PLCG1: variants seen among roughly 807,000 people sequenced by gnomAD.
PLCG1 encodes the protein phospholipase C gamma 1.
PLCG1 carries 71 observed loss-of-function variants against 177.8 expected under a neutral mutation model. The observed-to-expected ratio is 0.40, with a 90% CI of 0.33 to 0.49. The LOEUF (loss-of-function observed/expected upper bound fraction) is 0.49, where lower values mean the gene tolerates loss of function less well. Ranked by LOEUF, PLCG1 falls within the 20% of genes least tolerant of loss-of-function variation. PLCG1 has a pLI of 0.72. For synonymous variants in PLCG1, 658 were observed against 647.9 expected, an observed-to-expected ratio of 1.02 and a Z score of -0.24; for missense variants, 1,281 against 1,709.0, an observed-to-expected ratio of 0.75 and a Z score of 4.42.
rs2146047698 is a variant in PLCG1 at position 41,166,985 on chromosome 20, C to G, written c.2301+126C>G. ...TAGAAGTTCGTGGGAGGGCCCCTGACTCCAGCTGGGAGCCACAGTGTGGGT... is the reference window on the plus strand; with the variant it reads ...TAGAAGTTCGTGGGAGGGCCCCTGAGTCCAGCTGGGAGCCACAGTGTGGGT... On this transcript the variant is annotated intron_variant, in intron 19 of 31. Coordinates refer to ENST00000685551, the MANE Select transcript of PLCG1 (RefSeq NM_002660.3). The surrounding 1 kb of genome is among the most constrained non-coding windows in gnomAD (Gnocchi z 8.6). The G allele has an allele frequency of 1.1e-6, 1 of 870,256 alleles. No individual in the cohort carries two copies. The highest frequency in any genetic ancestry group is 1.5e-5 in the South Asian group (1 of 64,690). 53.9% of individuals were successfully genotyped at this position (870,256 alleles called of 1,614,324 possible). A position where few individuals can be genotyped will look rare whatever the true frequency, so the allele number is the denominator to read the frequency against.
In PLCG1 at chr20:41,164,752, CT is replaced by C. The variant is rs1568746616; in HGVS notation, c.1218-180del. On this transcript the variant is annotated intron_variant, in intron 12 of 31. Transcript: ENST00000685551. This position sits in a 1 kb window ranked among gnomAD's most constrained non-coding sequence, Gnocchi z 6.4. ...AGTTGCCACCCTTTGGTTTCCACTG[CT>C]GCCACAGCTGTAGAACCCCTCTCTG... Among the ~76,000 whole-genome samples, 1 of 152,190 alleles carries C rather than the reference CT, an allele frequency of 6.6e-6. No homozygotes were observed. Among genetic ancestry groups the C allele is most frequent in the Admixed American group, 6.5e-5 (1 of 15,284 alleles).
intron 1 of PLCG1, among the ~76,000 whole-genome samples, chr20:41,158,379 CAAAG>C (rs766885071): frequency 6.6e-6 from 1 of 152,154 alleles, no homozygotes; most frequent in Non-Finnish European, 1.5e-5. Context: ...GGGGAGTACT[CAAAG>C]AAAGTCATAG....
At chr20:41,158,071 C>T (rs1463755342) in intron 1 of PLCG1, among the ~76,000 whole-genome samples, 1 of 152,080 alleles carries the variant, frequency 6.6e-6, no homozygotes, top group Non-Finnish European at 1.5e-5. Context: ...GCTGAGGGGA[C>T]AGGTGGTTCC....
chr20:41,162,968 CCTT>C lies in PLCG1; in HGVS notation c.696_698del (p.Phe232del). On this transcript the variant is annotated inframe_deletion, in exon 7 of 32. Coordinates refer to ENST00000685551, the MANE Select transcript of PLCG1 (RefSeq NM_002660.3). ...TTCTGTTTCCTGCAGATGGACCTCC[CCTT>C]CTTGGAAGCCAGTACTCTGAGGTTT... 6.2e-7 allele frequency: 1 copy of C among 1,614,108 alleles called. No homozygotes were observed. The highest frequency in any genetic ancestry group is 8.5e-7 in the Non-Finnish European group (1 of 1,179,958).
Position 41,157,239 on chromosome 20 carries a change from T to TGTAC in PLCG1, c.218-2366_218-2363dup, listed in dbSNP as rs906840184. Among the ~76,000 whole-genome samples the TGTAC allele has an allele frequency of 6.6e-6, 1 of 150,798 alleles. No homozygotes were observed. Among genetic ancestry groups the TGTAC allele is most frequent in the African/African-American group, 2.4e-5 (1 of 41,238 alleles). ...GTGTGTGTGTGTGTGTGTGTGTGTG[T>TGTAC]GTACAGTCACACTCACCTTTGCAAG... is the stretch of plus-strand genomic sequence containing the variant. On this transcript the variant is annotated intron_variant, in intron 1 of 31. Transcript: ENST00000685551. The surrounding 1 kb of genome is among the most constrained non-coding windows in gnomAD (Gnocchi z 5.4).
At chr20:41,155,968 A>C (rs988071139) in intron 1 of PLCG1, among the ~76,000 whole-genome samples, 15 of 152,162 alleles carry the variant, frequency 9.9e-5, no homozygotes, top group African/African-American at 3.6e-4. Context: ...ATGGTCAGGG[A>C]AAGCTTCTTG....
chr20:41,173,284 G>C lies in PLCG1; in HGVS notation c.3280-136G>C. 1.2e-6 allele frequency: 1 copy of C among 846,594 alleles called. No individual in the cohort carries two copies. 52.4% of individuals were successfully genotyped at this position (846,594 alleles called of 1,614,324 possible). A position where few individuals can be genotyped will look rare whatever the true frequency, so the allele number is the denominator to read the frequency against. On this transcript the variant is annotated intron_variant, in intron 27 of 31. Coordinates refer to ENST00000685551, the MANE Select transcript of PLCG1 (RefSeq NM_002660.3). The surrounding 1 kb of genome is among the most constrained non-coding windows in gnomAD (Gnocchi z 6.2). ...GCTTAGGGTCCCTGATGTCGTGAGG[G>C]ACTCCATGGGCAGTGTCCCGGGGGC...
At chr20:41,152,040 G>A (rs1291055764) in intron 1 of PLCG1, among the ~76,000 whole-genome samples, 5 of 152,178 alleles carry the variant, frequency 3.3e-5, no homozygotes, top group Non-Finnish European at 7.4e-5. Flanking sequence ...ACTTTTCTTT[G>A]TCCATCTTTC....
rs962394921 is a variant in PLCG1, at chr20:41,147,531, C to G, written c.217+9673C>G. Among the ~76,000 whole-genome samples, 9 of 152,242 alleles carry G rather than the reference C, an allele frequency of 5.9e-5. No individual in the cohort carries two copies. The highest frequency in any genetic ancestry group is 1.9e-4 in the African/African-American group (8 of 41,472). ...AGAAAGAAATCCAAGGTAGCCATCT[C>G]TCTCAGTAGGGGAGGTGAGTTCAAA... On this transcript the variant is annotated intron_variant, in intron 1 of 31. Coordinates refer to ENST00000685551, the MANE Select transcript of PLCG1 (RefSeq NM_002660.3). This position sits in a 1 kb window ranked among gnomAD's most constrained non-coding sequence, Gnocchi z 4.0.
Position 41,164,844 on chromosome 20 carries a change from C to A in PLCG1, c.1218-89C>A. 7.6e-7 allele frequency: 1 copy of A among 1,318,724 alleles called. No individual in the cohort carries two copies. Among genetic ancestry groups the A allele is most frequent in the East Asian group, 2.3e-5 (1 of 42,908 alleles). The allele number at this position is 1,318,724 out of a possible 1,614,324, so 81.7% of individuals were successfully genotyped here. On this transcript the variant is annotated intron_variant, in intron 12 of 31. Coordinates refer to ENST00000685551, the MANE Select transcript of PLCG1 (RefSeq NM_002660.3). This position sits in a 1 kb window ranked among gnomAD's most constrained non-coding sequence, Gnocchi z 6.4. The stretch of plus-strand genomic sequence containing the variant: ...TTTTACAGACAAGAAGCCCCCAGGC[C>A]CTTGGCTTCCAACAGCTCACTGTGA...
chr20:41,158,535 G>T (rs1178779963), intron 1 of PLCG1, among the ~76,000 whole-genome samples: 1 of 152,164 alleles, frequency 6.6e-6, no homozygotes, highest in Non-Finnish European at 1.5e-5. Flanking sequence ...CCTTTGCTGA[G>T]GGAGCAGAGG....
At chr20:41,161,433 G>A (rs2035491233) in intron 4 of PLCG1, among the ~76,000 whole-genome samples, 1 of 152,164 alleles carries the variant, frequency 6.6e-6, no homozygotes, top group African/African-American at 2.4e-5. Flanking sequence ...GTTTTTGGTG[G>A]AAGAAGTAAC....
rs757616227 is a variant in PLCG1 at position 41,172,806 on chromosome 20, C to T, written c.3208C>T (p.Arg1070Trp). Residue 1070 changes from arginine (R) to tryptophan (W), a missense_variant, in exon 27 of 32, where the codon CGG becomes TGG. By Grantham distance (101) the Arg-to-Trp change is moderately radical. Coordinates refer to ENST00000685551, the MANE Select transcript of PLCG1 (RefSeq NM_002660.3). The surrounding 1 kb of genome is among the most constrained non-coding windows in gnomAD (Gnocchi z 7.0). ...CTACGTGCTGCAGCCAAGCACCATG[C>T]GGGATGAGGCCTTCGACCCCTTTGA... ...CGYVLQPSTM[R>W]DEAFDPFDKS... The T allele has an allele frequency of 1.2e-6, 2 of 1,614,112 alleles. No individual in the cohort carries two copies. The highest frequency in any genetic ancestry group is 1.7e-6 in the Non-Finnish European group (2 of 1,180,006).
chr20:41,167,520 C>A lies in PLCG1; in HGVS notation c.2302-332C>A. 3.7e-6 allele frequency: 1 copy of A among 269,100 alleles called. No homozygotes were observed. The highest frequency in any genetic ancestry group is 7.1e-6 in the Non-Finnish European group (1 of 140,382). The allele number at this position is 269,100 out of a possible 1,614,324, so 16.7% of individuals were successfully genotyped here. ...GACTTTGGGCTCAGCAGTGAACCAA[C>A]AAGCCACTGAACTAAAGCACTGAAT... On this transcript the variant is annotated intron_variant, in intron 19 of 31. Transcript: ENST00000685551. The surrounding 1 kb of genome is among the most constrained non-coding windows in gnomAD (Gnocchi z 4.4).
rs958115289 is a variant in PLCG1, at chr20:41,169,634, G to T, written c.2650+108G>T. 7.3e-5 allele frequency: 62 copies of T among 850,022 alleles called. 1 individual carries two copies. Among genetic ancestry groups the T allele is most frequent in the Middle Eastern group, 3.3e-4 (1 of 2,998 alleles). 52.7% of individuals were successfully genotyped at this position (850,022 alleles called of 1,614,324 possible). On this transcript the variant is annotated intron_variant, in intron 23 of 31. Transcript: ENST00000685551. ...AGCTGATGGCTGAACCCCAAAGTCT[G>T]CCCTCACTCCAAGCTCTCCCCATGC... is the stretch of plus-strand genomic sequence containing the variant.
At chr20:41,162,399 C>G in intron 4 of PLCG1, 53 bp from the exon 5 acceptor site, 2 of 1,428,938 alleles carry the variant, frequency 1.4e-6, no homozygotes, top group Non-Finnish European at 2.0e-6. Flanking sequence ...ACCCACAGGT[C>G]AGAGGTCATG....
chr20:41,170,352 C>T (rs2146057355), intron 24 of PLCG1, 83 bp downstream of exon 24: 5 of 1,490,536 alleles, frequency 3.4e-6, no homozygotes, highest in Middle Eastern at 1.7e-4. Flanking sequence ...CACAGGCCCC[C>T]TCAGAGCAGT....
In PLCG1 at chr20:41,151,243, G is replaced by A. The variant is rs1244109564; in HGVS notation, c.218-8363G>A. 6.6e-6 allele frequency among the ~76,000 whole-genome samples: 1 copy of A among 152,170 alleles called. No individual in the cohort carries two copies. The highest frequency in any genetic ancestry group is 1.5e-5 in the Non-Finnish European group (1 of 68,022). ...CTCTGTGTTTCTCTGTATACCCAGT[G>A]TCAGGGATAGCAGCTGCTGTGGGGA... On this transcript the variant is annotated intron_variant, in intron 1 of 31. Coordinates refer to ENST00000685551, the MANE Select transcript of PLCG1 (RefSeq NM_002660.3). The surrounding 1 kb of genome is among the most constrained non-coding windows in gnomAD (Gnocchi z 5.5).
chr20:41,163,250 A>C lies in PLCG1; in HGVS notation c.764A>C (p.Gln255Pro). The change falls in exon 8 of 32, where the codon CAG becomes CCG. Residue 255 changes from glutamine to proline, a missense_variant. By Grantham distance (76) the Gln-to-Pro change is moderately conservative. This residue lies in a region of PLCG1 where 374 missense variants were observed against 443.8 expected (regional missense o/e 0.84). Coordinates refer to ENST00000685551, the MANE Select transcript of PLCG1 (RefSeq NM_002660.3). The surrounding 1 kb of genome is among the most constrained non-coding windows in gnomAD (Gnocchi z 5.2). ...ELCRVSLPEF[Q>P]QFLLDYQGEL... The stretch of plus-strand genomic sequence containing the variant: ...TGCCGAGTGTCCCTTCCTGAGTTCC[A>C]GCAGTTCCTTCTTGACTACCAGGGG... 6.4e-7 allele frequency: 1 copy of C among 1,554,796 alleles called. No homozygotes were observed. The highest frequency in any genetic ancestry group is 8.7e-7 in the Non-Finnish European group (1 of 1,153,072).
Sources: gnomAD v4.1 joint callset for allele counts (sites outside exome capture counted in the v4.1 genomes callset) on GRCh38, gnomAD v4.1.1 for gene constraint, gnomAD v4.1.1 regional missense constraint, Gnocchi (gnomAD v3.1) non-coding constraint, MANE v1.5 for transcripts, NCBI Gene and HGNC (gene_info 2026-07-23, HGNC 2026-07-21) for gene names.